NLGN1: variants seen among roughly 807,000 people sequenced by gnomAD.
NLGN1 encodes the protein neuroligin 1, also known as neuroligin-1.
A neutral mutation model predicts 65.5 loss-of-function variants in NLGN1; 12 were observed. That is an observed-to-expected ratio of 0.18 (90% confidence interval 0.12 to 0.30). The LOEUF is 0.30. Among genes scored for constraint, NLGN1 ranks in the 10% least tolerant of loss-of-function variants. NLGN1 has a pLI of 1.00. For synonymous variants in NLGN1, 350 were observed against 359.5 expected (o/e 0.97, Z 0.30); for missense variants, 750 against 1,007.1 (o/e 0.74, Z 3.46).
chr3:173,795,255 T>C (rs573460871), intron 3 of NLGN1, among the ~76,000 whole-genome samples: 134 of 152,240 alleles, frequency 8.8e-4, no homozygotes, highest in Middle Eastern at 3.4e-3. Context: ...TGTTCCAAAA[T>C]TCACTTCCAA....
At chr3:173,859,887 A>G (rs1025856322) in intron 4 of NLGN1, among the ~76,000 whole-genome samples, 2 of 152,042 alleles carry the variant, frequency 1.3e-5, no homozygotes, top group African/African-American at 4.8e-5. Context: ...TAAAATCTCC[A>G]TTCTGTCTGT....
chr3:174,201,027 A>G (rs895354278), intron 4 of NLGN1, among the ~76,000 whole-genome samples: 11 of 152,202 alleles, frequency 7.2e-5, no homozygotes, highest in African/African-American at 1.9e-4. Flanking sequence ...GCTTGGGCCC[A>G]GGAGTTTGAG....
At chr3:173,761,544 A>G (rs1257218780) in intron 3 of NLGN1, among the ~76,000 whole-genome samples, 3 of 151,996 alleles carry the variant, frequency 2.0e-5, no homozygotes, top group Non-Finnish European at 4.4e-5. Context: ...GAGCATCACT[A>G]CCTTTTAAAT....
intron 4 of NLGN1, among the ~76,000 whole-genome samples, chr3:173,913,561 T>C (rs1258912642): frequency 2.0e-5 from 3 of 152,116 alleles, no homozygotes; most frequent in African/African-American, 7.2e-5. Context: ...CAGGGGCAGC[T>C]GGGTAAGTCT....
chr3:173,969,893 A>G (rs1278592440), intron 4 of NLGN1, among the ~76,000 whole-genome samples: 2 of 151,876 alleles, frequency 1.3e-5, no homozygotes, highest in African/African-American at 2.4e-5. Context: ...AGATTTCTGC[A>G]TGGAGAAGAT....
At chr3:173,426,425 G>T (rs1716119592) in intron 1 of NLGN1, among the ~76,000 whole-genome samples, 1 of 151,870 alleles carries the variant, frequency 6.6e-6, no homozygotes, top group Non-Finnish European at 1.5e-5. Context: ...TGACAATAAA[G>T]TTTTTCAAAT....
intron 2 of NLGN1, among the ~76,000 whole-genome samples, chr3:173,556,436 C>A (rs1741714734): frequency 1.3e-5 from 2 of 151,952 alleles, no homozygotes; most frequent in African/African-American, 4.8e-5. Context: ...TCTAAATTAC[C>A]TTATAATTTC....
At chr3:174,071,573 G>T (rs1207632884) in intron 4 of NLGN1, among the ~76,000 whole-genome samples, 1 of 151,968 alleles carries the variant, frequency 6.6e-6, no homozygotes, top group Non-Finnish European at 1.5e-5. Flanking sequence ...GGGCGTGGTG[G>T]TATGGGCCAG....
chr3:173,595,128 C>T (rs1220388488), intron 2 of NLGN1, among the ~76,000 whole-genome samples: 3 of 152,196 alleles, frequency 2.0e-5, no homozygotes, highest in African/African-American at 7.2e-5. Flanking sequence ...CTGCAGCTGG[C>T]TTGAATTTCT....
intron 4 of NLGN1, among the ~76,000 whole-genome samples, chr3:173,840,554 G>T (rs2150670620): frequency 6.6e-6 from 1 of 152,286 alleles, no homozygotes; most frequent in South Asian, 2.1e-4. Flanking sequence ...TAGAAGAAAT[G>T]AGGTTGTACA....
exon 7 of NLGN1, chr3:174,282,588 C>T (rs760536369): frequency 1.3e-5 from 2 of 152,190 alleles, no homozygotes; most frequent in African/African-American, 2.4e-5. Flanking sequence ...CTTTCTTACA[C>T]ATATGTGTGA....
intron 4 of NLGN1, among the ~76,000 whole-genome samples, chr3:174,085,550 T>A (rs900246008): frequency 6.6e-6 from 1 of 152,062 alleles, no homozygotes; most frequent in Admixed American, 6.5e-5. Flanking sequence ...TTGGAGCACT[T>A]TTCAAATTAG....
At chr3:174,222,802 C>T (rs1738901062) in intron 4 of NLGN1, among the ~76,000 whole-genome samples, 1 of 152,038 alleles carries the variant, frequency 6.6e-6, no homozygotes. Flanking sequence ...TTGTTTCTCC[C>T]CAGGTGTTGA....
intron 1 of NLGN1, among the ~76,000 whole-genome samples, chr3:173,415,917 AGG>A (rs145914008): frequency 0.064 from 8,772 of 138,134 alleles, 335 homozygotes; most frequent in African/African-American, 0.1. Flanking sequence ...AGAGAGAGAG[AGG>A]GAGAGAGAGA....
intron 4 of NLGN1, among the ~76,000 whole-genome samples, chr3:174,086,401 C>T (rs1484283015): frequency 7.1e-6 from 1 of 141,516 alleles, no homozygotes; most frequent in Non-Finnish European, 1.5e-5. Context: ...ATTTTTTTGC[C>T]TAATCTTAAG....
chr3:173,730,330 C>T lies in NLGN1; in HGVS notation c.494-77350C>T, dbSNP rs1392522662. Among the ~76,000 whole-genome samples the T allele has an allele frequency of 1.1e-4, 15 of 139,556 alleles. 2 individuals are homozygous for T. The highest frequency in any genetic ancestry group is 2.1e-4 in the East Asian group (1 of 4,802). The allele number at this position is 139,556 out of a possible 152,430, so 91.6% of individuals were successfully genotyped here. The stretch of plus-strand genomic sequence containing the variant: ...CACTACTGCCCCACCGCTCCCCCCC[C>T]CCCGCAAAAATAGAATGAAAGCTAC... On this transcript the variant is annotated intron_variant, in intron 3 of 6. Transcript: ENST00000457714.
At position 173,581,846 on chromosome 3, in the gene NLGN1, T is replaced by G. The variant is rs1746454610; in HGVS notation, c.-320-22433T>G. Among the ~76,000 whole-genome samples, 2 of 151,954 alleles carry G rather than the reference T, an allele frequency of 1.3e-5. 1 individual carries two copies. Reference sequence around the variant, plus strand: ...AAAATATTTAAAGCATATAAACAATTTATATAGTAATATTGTAAACACCCA... The same window carrying G: ...AAAATATTTAAAGCATATAAACAATGTATATAGTAATATTGTAAACACCCA... On this transcript the variant is annotated intron_variant, in intron 2 of 6. Coordinates refer to ENST00000457714, the Ensembl canonical transcript of NLGN1.
At chr3:173,709,030 T>G (rs189824741) in intron 3 of NLGN1, among the ~76,000 whole-genome samples, 3 of 152,348 alleles carry the variant, frequency 2.0e-5, no homozygotes, top group African/African-American at 7.2e-5. Flanking sequence ...ATGTAGGTTA[T>G]GTATGTGAAA....
chr3:173,733,622 T>C (rs964424214), intron 3 of NLGN1, among the ~76,000 whole-genome samples: 1 of 152,126 alleles, frequency 6.6e-6, no homozygotes, highest in African/African-American at 2.4e-5. Flanking sequence ...GGTTCCTAAC[T>C]TCACCTTGAA....
Sources: gnomAD v4.1 joint callset for allele counts (sites outside exome capture counted in the v4.1 genomes callset) on GRCh38, gnomAD v4.1.1 for gene constraint, MANE v1.5 for transcripts, NCBI Gene and HGNC (gene_info 2026-07-23, HGNC 2026-07-21) for gene names.